Variants in CNOT1 observed in about 807,000 individuals in gnomAD.
CNOT1 encodes CCR4-associated factor 1.
A neutral mutation model predicts 273.8 loss-of-function variants in CNOT1; 15 were observed. That is an observed-to-expected ratio of 0.05 (90% CI 0.04 to 0.08). The LOEUF (loss-of-function observed/expected upper bound fraction) is 0.08, where lower values mean the gene tolerates loss of function less well. Ranked by LOEUF, CNOT1 falls within the 10% of genes least tolerant of loss-of-function variation. The pLI is 1.00. For synonymous variants in CNOT1, 1,022 were observed against 1,005.5 expected (o/e 1.02, Z -0.31); for missense variants, 1,644 against 2,912.2 (o/e 0.56, Z 10.02).
At chr16:58,567,439 A>G (rs1402668917) in intron 16 of CNOT1, among the ~76,000 whole-genome samples, 1 of 151,652 alleles carries the variant, frequency 6.6e-6, no homozygotes, top group Non-Finnish European at 1.5e-5. Flanking sequence ...CCTGGGCAAC[A>G]TGGTGAAGCC....
chr16:58,587,743 G>A (rs777163494), intron 4 of CNOT1, 37 bp downstream of exon 4: 2 of 1,600,024 alleles, frequency 1.2e-6, no homozygotes, highest in Admixed American at 1.7e-5. Context: ...AAAGCCTAAG[G>A]AGAGATCACA....
chr16:58,606,618 C>T (rs764094122), intron 1 of CNOT1, among the ~76,000 whole-genome samples: 16 of 152,092 alleles, frequency 1.1e-4, no homozygotes, highest in Non-Finnish European at 2.2e-4. Context: ...GCCTGGCCAA[C>T]ATGGCAAAAC....
intron 11 of CNOT1, 36 bp from the exon 12 acceptor site, chr16:58,580,796 T>G: frequency 1.3e-6 from 2 of 1,571,300 alleles, no homozygotes; most frequent in South Asian, 2.3e-5. Flanking sequence ...CCATAAATGA[T>G]TGTGAATGCT....
At chr16:58,556,527 G>A (rs535558527) in intron 19 of CNOT1, among the ~76,000 whole-genome samples, 2 of 152,192 alleles carry the variant, frequency 1.3e-5, no homozygotes, top group African/African-American at 2.4e-5. Context: ...TCTCACTCCT[G>A]ACTTGCTTTA....
chr16:58,594,794 T>A (rs1268999077), intron 2 of CNOT1, among the ~76,000 whole-genome samples: 1 of 146,612 alleles, frequency 6.8e-6, no homozygotes, highest in Non-Finnish European at 1.5e-5. Context: ...AGACCAATAC[T>A]GTCTCATTAA....
chr16:58,583,866 A>G (rs1171124486), intron 8 of CNOT1, among the ~76,000 whole-genome samples: 2 of 151,570 alleles, frequency 1.3e-5, no homozygotes, highest in Admixed American at 6.6e-5. Flanking sequence ...CAGGCAAACA[A>G]TTTTAAAAAA....
At chr16:58,562,222 G>A (rs1390623205) in intron 16 of CNOT1, among the ~76,000 whole-genome samples, 2 of 151,992 alleles carry the variant, frequency 1.3e-5, no homozygotes, top group African/African-American at 4.8e-5. Flanking sequence ...TAGCTGGGAG[G>A]TGGAGGTGGC....
chr16:58,616,303 A>G (rs1383718129), intron 1 of CNOT1, among the ~76,000 whole-genome samples: 1 of 124,650 alleles, frequency 8.0e-6, no homozygotes, highest in African/African-American at 2.7e-5. Flanking sequence ...ACAGGGTTTC[A>G]CCATCTTGGC....
Position 58,615,025 on chromosome 16 carries a change from A to T in CNOT1, c.-175+14703T>A, listed in dbSNP as rs563188364. On this transcript the variant is annotated intron_variant, in intron 1 of 48. Coordinates refer to ENST00000317147, the MANE Select transcript of CNOT1 (RefSeq NM_016284.5). ...ACTGGGCCTGTATCCTTTGCTATTTAAAAAAAAAAAAAAATCAGCCCTGGG... is the reference window on the plus strand; with the variant it reads ...ACTGGGCCTGTATCCTTTGCTATTTTAAAAAAAAAAAAAATCAGCCCTGGG... 6.9e-4 allele frequency among the ~76,000 whole-genome samples: 21 copies of T among 30,360 alleles called. 4 individuals carry two copies. The highest frequency in any genetic ancestry group is 3.6e-3 in the South Asian group (4 of 1,104). The allele number at this position is 30,360 out of a possible 152,430, so 19.9% of individuals were successfully genotyped here. A position where few individuals can be genotyped will look rare whatever the true frequency, so the allele number is the denominator to read the frequency against.
intron 1 of CNOT1, among the ~76,000 whole-genome samples, chr16:58,604,831 A>T (rs1364556021): frequency 5.8e-4 from 7 of 12,050 alleles, no homozygotes; most frequent in South Asian, 1.6e-3. Flanking sequence ...AAAAAATTAA[A>T]AAAAAAAAAA....
chr16:58,543,252 A>G (rs761921443), intron 31 of CNOT1: 93 of 1,542,582 alleles, frequency 6.0e-5, no homozygotes, highest in Non-Finnish European at 8.1e-5. Context: ...CATCACTTTA[A>G]GTCATTTTGT....
At chr16:58,629,151 G>A (rs1453273148) in intron 1 of CNOT1, among the ~76,000 whole-genome samples, 5 of 152,250 alleles carry the variant, frequency 3.3e-5, no homozygotes, top group Admixed American at 3.3e-4. Context: ...CCCATCCGGG[G>A]ACACCCGAAA....
intron 36 of CNOT1, 57 bp downstream of exon 36, chr16:58,538,715 T>C (rs2039991656): frequency 6.2e-7 from 1 of 1,601,898 alleles, no homozygotes; most frequent in Non-Finnish European, 8.5e-7. Context: ...CAGTACTATC[T>C]ATGTCAAAAG....
rs1221640567 is a variant in CNOT1, at chr16:58,587,326, C to CT, written c.378+18dup. ...TTTAATTCTAGTTTTGTCTACATCTCTTTTCATAAATCACTCACCTCTTGT... is the reference window on the plus strand; with the variant it reads ...TTTAATTCTAGTTTTGTCTACATCTCTTTTTCATAAATCACTCACCTCTTGT... On this transcript the variant is annotated intron_variant, in intron 5 of 48. Transcript: ENST00000317147. 1.2e-6 allele frequency: 2 copies of CT among 1,613,740 alleles called. No homozygotes were observed. Among genetic ancestry groups the CT allele is most frequent in the Admixed American group, 1.7e-5 (1 of 59,932 alleles).
At chr16:58,617,266 T>C (rs942444759) in intron 1 of CNOT1, among the ~76,000 whole-genome samples, 2 of 151,714 alleles carry the variant, frequency 1.3e-5, no homozygotes, top group African/African-American at 4.8e-5. Context: ...AAGGCTGAGG[T>C]AGGAGGATCA....
chr16:58,549,161 A>G (rs537993815), intron 25 of CNOT1, among the ~76,000 whole-genome samples: 1 of 151,908 alleles, frequency 6.6e-6, no homozygotes, highest in South Asian at 2.1e-4. Context: ...TGGCGGTACA[A>G]CTATAATCCC....
chr16:58,524,249 CAAAAAA>C (rs35148544), intron 46 of CNOT1, among the ~76,000 whole-genome samples: 3 of 82,386 alleles, frequency 3.6e-5, no homozygotes, highest in African/African-American at 9.6e-5. Flanking sequence ...GACTCTATCG[CAAAAAA>C]AAAAAAAAAA....
chr16:58,551,288 A>T lies in CNOT1; in HGVS notation c.3202-16T>A. ...TAATAGAAGGCTAAAAAAAAAAAAT[A>T]AAGTACATAAGGCAAATAAGTTGAA... On this transcript the variant is annotated splice_polypyrimidine_tract_variant and intron_variant, in intron 23 of 48. Transcript: ENST00000317147. The T allele has an allele frequency of 6.4e-7, 1 of 1,557,870 alleles. No homozygotes were observed. Among genetic ancestry groups the T allele is most frequent in the Non-Finnish European group, 8.6e-7 (1 of 1,160,572 alleles).
At chr16:58,587,153 C>T (rs373496754) in intron 6 of CNOT1, 48 bp downstream of exon 6, 25 of 1,590,878 alleles carry the variant, frequency 1.6e-5, no homozygotes, top group Admixed American at 1.3e-4. Context: ...TAAAAACCCA[C>T]GTATTTTAAA....
Sources: allele counts gnomAD v4.1 joint callset (sites outside exome capture counted in the v4.1 genomes callset), GRCh38; gene constraint gnomAD v4.1.1; transcripts MANE v1.5; gene names NCBI Gene and HGNC (gene_info 2026-07-23, HGNC 2026-07-21).